CPZ: variants seen among roughly 807,000 people sequenced by gnomAD.
CPZ encodes the protein VEZT/CPZ fusion.
Under a neutral mutation model 61.8 loss-of-function variants are expected in CPZ, and 103 were observed. The observed-to-expected ratio is 1.67, with a 90% CI of 1.42 to 1.96. CPZ has a LOEUF of 1.96. Ranked by LOEUF, CPZ falls within the 30% of genes most tolerant of loss-of-function variation. The pLI is 0.00. For synonymous variants in CPZ, 551 were observed against 373.7 expected (o/e 1.47, Z -5.47); for missense variants, 1,461 against 914.9 (o/e 1.60, Z -7.70).
At chr4:8,605,870 C>G in intron 4 of CPZ, 119 bp from the exon 5 acceptor site, 2 of 1,010,754 alleles carry the variant, frequency 2.0e-6, no homozygotes, top group South Asian at 3.5e-5. Context: ...GTTCTTGAGT[C>G]AAAACAAGTA....
In CPZ at chr4:8,619,575, A is replaced by G. The variant is rs775559130; in HGVS notation, c.1917A>G (p.Thr639=). 8.5e-6 allele frequency: 13 copies of G among 1,530,430 alleles called. No homozygotes were observed. The highest frequency in any genetic ancestry group is 2.8e-5 in the African/African-American group (2 of 72,344). The allele number at this position is 1,530,430 out of a possible 1,614,324, so 94.8% of individuals were successfully genotyped here. ...GSKPWWWSYF[T]SLSTHRPRWL... is the part of the protein sequence containing the mutation. ...AGCCCTGGTGGTGGTCCTACTTCAC[A>G]TCGCTGAGCACCCACAGGCCACGCT... Residue 639 remains threonine, a synonymous_variant, in exon 11 of 11, where the codon ACA becomes ACG. Coordinates refer to ENST00000360986, the MANE Select transcript of CPZ (RefSeq NM_001014447.3).
chr4:8,598,647 G>A (rs1037787696), intron 1 of CPZ, among the ~76,000 whole-genome samples: 19 of 152,360 alleles, frequency 1.2e-4, no homozygotes, highest in African/African-American at 3.4e-4. Context: ...AGCACTAGCC[G>A]GGTTTTAAAT....
At position 8,604,149 on chromosome 4, in the gene CPZ, G is replaced by A; in HGVS notation, c.670G>A (p.Val224Ile). Residue 224 changes from valine to isoleucine, a missense_variant, in exon 4 of 11, where the codon GTC becomes ATC. Physicochemically the swap from Val to Ile is conservative, Grantham distance 29 (BLOSUM62 3). Coordinates refer to ENST00000360986, the MANE Select transcript of CPZ (RefSeq NM_001014447.3). ...GRSFDGRELL[V>I]IEFSSRPGQH... Reference sequence around the variant, plus strand: ...CAGCTTCGACGGCAGGGAGCTGCTGGTCATCGAGTTCTCCAGCCGCCCCGG... The same window carrying A: ...CAGCTTCGACGGCAGGGAGCTGCTGATCATCGAGTTCTCCAGCCGCCCCGG... The A allele has an allele frequency of 6.3e-7, 1 of 1,584,240 alleles. No individual in the cohort carries two copies. The highest frequency in any genetic ancestry group is 8.6e-7 in the Non-Finnish European group (1 of 1,164,832).
chr4:8,611,829 C>T (rs1257426205), intron 7 of CPZ, among the ~76,000 whole-genome samples, 198 bp from the exon 8 acceptor site: 1 of 152,098 alleles, frequency 6.6e-6, no homozygotes, highest in African/African-American at 2.4e-5. Flanking sequence ...GCCAGACCGC[C>T]TGTGACCCAC....
Position 8,618,449 on chromosome 4 carries a change from T to G in CPZ, c.1524T>G (p.Gly508=), listed in dbSNP as rs747031128. 3.1e-6 allele frequency: 5 copies of G among 1,614,088 alleles called. No homozygotes were observed. In the East Asian group the frequency reaches 8.9e-5, roughly 29 times the overall value. ...TTCAGGTGCACCGGGGCATCAAAGG[T>G]GTGGTGACAGATAAATTCGGCAAGC... The part of the protein sequence containing the change: ...FVETVHRGIK[G]VVTDKFGKPV... Residue 508 remains glycine, a synonymous_variant, in exon 10 of 11, where the codon GGT becomes GGG. Coordinates refer to ENST00000360986, the MANE Select transcript of CPZ (RefSeq NM_001014447.3).
At chr4:8,597,842 A>G (rs1307935147) in intron 1 of CPZ, among the ~76,000 whole-genome samples, 1 of 152,220 alleles carries the variant, frequency 6.6e-6, no homozygotes. Context: ...TTCCTACAAA[A>G]TGATTATAAT....
intron 8 of CPZ, among the ~76,000 whole-genome samples, chr4:8,613,862 C>T (rs183947121): frequency 8.5e-5 from 13 of 152,346 alleles, no homozygotes; most frequent in African/African-American, 1.4e-4. Context: ...GTCAGGACAG[C>T]GTCTGGGTAA....
intron 4 of CPZ, among the ~76,000 whole-genome samples, chr4:8,604,877 A>C (rs953172566): frequency 6.6e-6 from 1 of 152,244 alleles, no homozygotes; most frequent in Admixed American, 6.5e-5. Context: ...GCCAGTCTTC[A>C]TCCTACTGGT....
chr4:8,612,278 A>G, intron 8 of CPZ, 116 bp downstream of exon 8: 1 of 902,170 alleles, frequency 1.1e-6, no homozygotes, highest in Admixed American at 3.2e-5. Flanking sequence ...AGAGCCCGGA[A>G]GACAGGGCGA....
chr4:8,618,418 G>C lies in CPZ; in HGVS notation c.1504-11G>C, dbSNP rs753101819. The C allele has an allele frequency of 1.9e-6, 3 of 1,613,836 alleles. No homozygotes were observed. The highest frequency in any genetic ancestry group is 2.5e-6 in the Non-Finnish European group (3 of 1,179,792). On this transcript the variant is annotated splice_polypyrimidine_tract_variant and intron_variant, in intron 9 of 10. Transcript: ENST00000360986. ...CACGCCATCTCCCTGGCCTCCCCTT[G>C]GTCTCTTCAGGTGCACCGGGGCATC...
At chr4:8,617,144 G>A (rs1716243428) in intron 9 of CPZ, among the ~76,000 whole-genome samples, 1 of 152,258 alleles carries the variant, frequency 6.6e-6, no homozygotes, top group African/African-American at 2.4e-5. Flanking sequence ...GCGTGTGTCA[G>A]GCCAGTCGGT....
intron 7 of CPZ, among the ~76,000 whole-genome samples, chr4:8,609,481 G>A (rs868265668): frequency 7.3e-6 from 1 of 136,458 alleles, no homozygotes; most frequent in African/African-American, 3.7e-5. Context: ...GAGGGGTGAG[G>A]TGTCTGGTTC....
intron 1 of CPZ, 29 bp from the exon 2 acceptor site, chr4:8,599,424 C>T (rs1169788049): frequency 6.3e-7 from 1 of 1,595,156 alleles, no homozygotes; most frequent in Non-Finnish European, 8.6e-7. Context: ...CGAGGCAGGT[C>T]CCTAACAGTG....
chr4:8,615,258 A>C (rs1449884983), intron 9 of CPZ, among the ~76,000 whole-genome samples: 1 of 152,072 alleles, frequency 6.6e-6, no homozygotes, highest in Admixed American at 6.5e-5. Flanking sequence ...GCTGCCCCAG[A>C]GAGCCAAGGT....
intron 7 of CPZ, among the ~76,000 whole-genome samples, chr4:8,609,536 C>A (rs1489340477): frequency 7.3e-6 from 1 of 137,116 alleles, no homozygotes; most frequent in Admixed American, 6.8e-5. Flanking sequence ...ACTGGGCGGC[C>A]TCCACTTCTG....
chr4:8,603,600 A>G, intron 3 of CPZ: 2 of 282,542 alleles, frequency 7.1e-6, no homozygotes, highest in Non-Finnish European at 1.3e-5. Context: ...TGCCACTGTC[A>G]TGGAAAACAC....
In CPZ at chr4:8,619,147, C is replaced by T. The variant is rs995940967; in HGVS notation, c.1604-115C>T. The stretch of plus-strand genomic sequence containing the variant: ...TTCCAGGCCCACACAGAGGCAAGTG[C>T]ACATTTGGCGCCTGCCTCCCATGCT... On this transcript the variant is annotated intron_variant, in intron 10 of 10. Transcript: ENST00000360986. 6.9e-6 allele frequency: 6 copies of T among 863,820 alleles called. No homozygotes were observed. In the East Asian group the frequency reaches 1.4e-4, roughly 20 times the overall value. The allele number at this position is 863,820 out of a possible 1,614,324, so 53.5% of individuals were successfully genotyped here. A position where few individuals can be genotyped will look rare whatever the true frequency, so the allele number is the denominator to read the frequency against.
intron 7 of CPZ, among the ~76,000 whole-genome samples, chr4:8,608,598 G>T (rs1715251632): frequency 1.3e-5 from 2 of 152,178 alleles, no homozygotes; most frequent in African/African-American, 4.8e-5. Flanking sequence ...CCAGAAACTG[G>T]CAAGGAGAAG....
At chr4:8,615,240 AC>A (rs897763975) in intron 9 of CPZ, among the ~76,000 whole-genome samples, 8 of 151,308 alleles carry the variant, frequency 5.3e-5, no homozygotes, top group South Asian at 4.2e-4. Context: ...GTCTAAAATG[AC>A]CCCCTCGCTG....
Sources: allele counts gnomAD v4.1 joint callset (sites outside exome capture counted in the v4.1 genomes callset), GRCh38; gene constraint gnomAD v4.1.1; transcripts MANE v1.5; gene names NCBI Gene and HGNC (gene_info 2026-07-23, HGNC 2026-07-21).